SANBR: variants seen among roughly 807,000 people sequenced by gnomAD.
The protein encoded by SANBR is SANT and BTB domain regulator of CSR.
A neutral mutation model predicts 101.8 loss-of-function variants in SANBR; 77 were observed. That is an observed-to-expected ratio of 0.76 (90% CI 0.63 to 0.91). The LOEUF (loss-of-function observed/expected upper bound fraction) is 0.91. Among genes scored for constraint, SANBR ranks in the 40% least tolerant of loss-of-function variants. The pLI is 0.00. For synonymous variants in SANBR, 279 were observed against 274.7 expected (o/e 1.02, Z -0.15); for missense variants, 875 against 853.0 (o/e 1.03, Z -0.32).
chr2:61,107,073 T>C (rs1029983568), intron 14 of SANBR, among the ~76,000 whole-genome samples: 1 of 150,364 alleles, frequency 6.7e-6, no homozygotes. Flanking sequence ...GAGGCTGAGG[T>C]GGGAAGATTG....
In SANBR at chr2:61,097,827, G is replaced by T. The variant is rs182659167; in HGVS notation, c.1340G>T (p.Arg447Leu). 1 of 1,612,806 alleles carries T rather than the reference G, an allele frequency of 6.2e-7. No homozygotes were observed. Among genetic ancestry groups the T allele is most frequent in the Non-Finnish European group, 8.5e-7 (1 of 1,179,312 alleles). The change falls in exon 12 of 22, where the codon CGG (arginine) becomes CTG (leucine). Residue 447 changes from arginine (R) to leucine (L), a missense_variant. Physicochemically the swap from Arg to Leu is moderately radical, Grantham distance 102. Transcript: ENST00000402291. ...IYPCCNQKVL[R>L]FDPTQLTKGC... Reference sequence around the variant, plus strand: ...CCCTGCTGTAACCAAAAGGTTCTTCGGTTTGATCCTACTCAGCTTACAAAG... The same window carrying T: ...CCCTGCTGTAACCAAAAGGTTCTTCTGTTTGATCCTACTCAGCTTACAAAG...
chr2:61,092,635 A>G (rs772687019), intron 11 of SANBR, 48 bp downstream of exon 11: 3 of 1,404,442 alleles, frequency 2.1e-6, no homozygotes, highest in African/African-American at 1.5e-5. Context: ...ATTGAGAGCA[A>G]GATTATTTTG....
At chr2:61,086,120 G>A (rs1001915345) in intron 8 of SANBR, among the ~76,000 whole-genome samples, 1 of 151,960 alleles carries the variant, frequency 6.6e-6, no homozygotes, top group African/African-American at 2.4e-5. Context: ...TTTCACCAAT[G>A]TCTTGTAGTT....
At chr2:61,071,577 T>G in intron 3 of SANBR, 29 bp from the exon 4 acceptor site, 6 of 1,384,660 alleles carry the variant, frequency 4.3e-6, no homozygotes, top group Non-Finnish European at 5.8e-6. Context: ...TTCCCAAACC[T>G]CTGTTTCTTT....
Position 61,070,381 on chromosome 2 carries a change from T to C in SANBR, c.31T>C (p.Phe11Leu), listed in dbSNP as rs774851679. Residue 11 changes from phenylalanine to leucine, a missense_variant, in exon 3 of 22, where the codon TTC (phenylalanine) becomes CTC (leucine). Physicochemically the swap from Phe to Leu is conservative, Grantham distance 22. Transcript: ENST00000402291. MSRGYSENNN[F>L]LNNNNQMVLD... ...TCGTGGATATTCAGAAAACAACAAT[T>C]TCCTGAACAATAATAACCAAATGGT... is the stretch of plus-strand genomic sequence containing the variant. 17 of 1,593,524 alleles carry C rather than the reference T, an allele frequency of 1.1e-5. No homozygotes were observed. The Admixed American group carries it at 3.1e-4, about 29-fold the overall frequency.
chr2:61,069,931 G>C (rs932955517), intron 2 of SANBR, among the ~76,000 whole-genome samples: 3 of 152,122 alleles, frequency 2.0e-5, no homozygotes, highest in African/African-American at 7.2e-5. Context: ...TATACGTCTT[G>C]TGTGGAATGG....
intron 4 of SANBR, among the ~76,000 whole-genome samples, chr2:61,072,362 A>C (rs889679577): frequency 4.6e-5 from 7 of 152,170 alleles, no homozygotes. Context: ...ACTTGAGGCC[A>C]GGAGTTCAAG....
At chr2:61,089,002 T>C (rs1287956344) in intron 10 of SANBR, 1 of 915,250 alleles carries the variant, frequency 1.1e-6, no homozygotes, top group Non-Finnish European at 1.3e-6. Context: ...CACATTAAAA[T>C]GATAAAAATT....
In SANBR at chr2:61,083,256, G is replaced by A. The variant is rs775194869; in HGVS notation, c.832G>A (p.Asp278Asn). Residue 278 changes from aspartate (D) to asparagine (N), a missense_variant, in exon 8 of 22, where the codon GAT becomes AAT. Asp to Asn is a conservative substitution (Grantham distance 23). Transcript: ENST00000402291. ...INANLLTRIA[D>N]LFSHNEVDDL... Reference sequence around the variant, plus strand: ...TGCAAATCTTCTCACACGTATAGCTGATCTGTTCTCACACAATGAAGTTGA... The same window carrying A: ...TGCAAATCTTCTCACACGTATAGCTAATCTGTTCTCACACAATGAAGTTGA... 8 of 1,610,950 alleles carry A rather than the reference G, an allele frequency of 5.0e-6. No individual in the cohort carries two copies. The highest frequency in any genetic ancestry group is 6.8e-6 in the Non-Finnish European group (8 of 1,177,270).
intron 21 of SANBR, among the ~76,000 whole-genome samples, chr2:61,136,129 A>T (rs1478960601): frequency 6.6e-6 from 1 of 151,758 alleles, no homozygotes; most frequent in Non-Finnish European, 1.5e-5. Flanking sequence ...ACATGGTGAA[A>T]CCTGTCTCTA....
At chr2:61,091,145 A>T (rs13421741) in intron 10 of SANBR, among the ~76,000 whole-genome samples, 3,139 of 152,210 alleles carry the variant, frequency 0.021, 120 homozygotes, top group African/African-American at 0.071. Flanking sequence ...AACCAGCAAA[A>T]TTAGAAAAGA....
chr2:61,117,418 C>T (rs1684127117), intron 18 of SANBR, 33 bp downstream of exon 18: 2 of 1,612,384 alleles, frequency 1.2e-6, no homozygotes, highest in African/African-American at 2.7e-5. Flanking sequence ...ATCGGATATC[C>T]ACTCTTAAAG....
chr2:61,115,622 A>G (rs1451431802), intron 16 of SANBR, among the ~76,000 whole-genome samples: 2 of 152,096 alleles, frequency 1.3e-5, no homozygotes, highest in Non-Finnish European at 2.9e-5. Flanking sequence ...AGAGATTTCA[A>G]TACTTCTTTC....
chr2:61,092,856 C>T (rs1040498980), intron 11 of SANBR, among the ~76,000 whole-genome samples: 5 of 151,284 alleles, frequency 3.3e-5, no homozygotes, highest in Admixed American at 6.6e-5. Context: ...AAACTAGGCC[C>T]GGTATGGTGG....
chr2:61,069,765 TTTC>T (rs1681362213), intron 2 of SANBR: 1 of 152,362 alleles, frequency 6.6e-6, no homozygotes, highest in South Asian at 2.1e-4. Context: ...GAATGCATAG[TTTC>T]TTTTCTATTT....
chr2:61,113,051 G>A (rs993518699), intron 16 of SANBR, among the ~76,000 whole-genome samples: 8 of 152,014 alleles, frequency 5.3e-5, no homozygotes, highest in African/African-American at 1.2e-4. Context: ...AGGCATAGCC[G>A]GTTGTTCCAG....
At chr2:61,079,561 A>G (rs1681979118) in intron 6 of SANBR, among the ~76,000 whole-genome samples, 3 of 152,230 alleles carry the variant, frequency 2.0e-5, no homozygotes, top group African/African-American at 7.2e-5. Flanking sequence ...TTGCTAAATC[A>G]AAAATTTCAG....
chr2:61,066,820 T>G (rs773167213), intron 1 of SANBR, among the ~76,000 whole-genome samples: 11 of 152,190 alleles, frequency 7.2e-5, no homozygotes, highest in Non-Finnish European at 1.6e-4. Flanking sequence ...ACATGTATAT[T>G]AAATACATAA....
intron 10 of SANBR, 46 bp from the exon 11 acceptor site, chr2:61,092,418 A>G: frequency 7.1e-7 from 1 of 1,400,938 alleles, no homozygotes; most frequent in Non-Finnish European, 9.5e-7. Context: ...TAAATAAAAC[A>G]AATTGTTTAT....
Sources: allele counts gnomAD v4.1 joint callset (sites outside exome capture counted in the v4.1 genomes callset), GRCh38; gene constraint gnomAD v4.1.1; transcripts MANE v1.5; gene names NCBI Gene and HGNC (gene_info 2026-07-23, HGNC 2026-07-21).